The following MGRN1 variants were observed in gnomAD, a reference collection of about 807,000 sequenced individuals.
MGRN1 encodes the protein E3 ubiquitin-protein ligase MGRN1.
In MGRN1, 29 loss-of-function variants were observed where a neutral mutation model predicts 69.2. The ratio of observed to expected loss-of-function variants is 0.42; its 90% CI spans 0.31 to 0.57. The LOEUF (loss-of-function observed/expected upper bound fraction) is 0.57, where lower values mean the gene tolerates loss of function less well. Ranked by LOEUF, MGRN1 falls within the 20% of genes least tolerant of loss-of-function variation. MGRN1 has a pLI of 0.15. For missense variants in MGRN1, 998 were observed against 796.2 expected (o/e 1.25, Z -3.05); for synonymous variants, 470 against 344.2 (o/e 1.37, Z -4.04).
intron 16 of MGRN1, 30 bp downstream of exon 16, chr16:4,683,962 G>GTGGGC: frequency 1.5e-6 from 1 of 678,770 alleles, no homozygotes; most frequent in Non-Finnish European, 2.6e-6. Flanking sequence ...GGGGTGAGGG[G>GTGGGC]CTGGGTGCCT....
At chr16:4,639,357 G>A (rs2078107223) in intron 1 of MGRN1, among the ~76,000 whole-genome samples, 1 of 152,176 alleles carries the variant, frequency 6.6e-6, no homozygotes, top group Admixed American at 6.5e-5. Flanking sequence ...TCCCAAGGAG[G>A]GAATAGCCCA....
intron 1 of MGRN1, among the ~76,000 whole-genome samples, chr16:4,646,985 C>T (rs893091677): frequency 7.2e-5 from 11 of 152,170 alleles, no homozygotes; most frequent in Non-Finnish European, 1.0e-4. Context: ...GCCTTCTGGA[C>T]CCCACCTCAG....
intron 12 of MGRN1, chr16:4,681,263 G>A: frequency 2.2e-6 from 1 of 455,712 alleles, no homozygotes; most frequent in Non-Finnish European, 3.9e-6. Flanking sequence ...GGGACTGAAA[G>A]CCAGGGAGGG....
chr16:4,649,812 G>A (rs2078360843), intron 1 of MGRN1: 1 of 154,226 alleles, frequency 6.5e-6, no homozygotes, highest in Non-Finnish European at 1.4e-5. Flanking sequence ...GCCGTCCAGG[G>A]AAGGGTGTTG....
At chr16:4,628,765 G>T (rs1436154810) in intron 1 of MGRN1, among the ~76,000 whole-genome samples, 2 of 152,082 alleles carry the variant, frequency 1.3e-5, no homozygotes, top group African/African-American at 4.8e-5. Context: ...GTCTGGTCTC[G>T]AGCTCCTGAC....
At chr16:4,673,258 T>G (rs933281299) in intron 9 of MGRN1, among the ~76,000 whole-genome samples, 1 of 152,188 alleles carries the variant, frequency 6.6e-6, no homozygotes, top group African/African-American at 2.4e-5. Context: ...AGAGACCATG[T>G]TCTCATGATT....
intron 7 of MGRN1, 42 bp from the exon 8 acceptor site, chr16:4,668,223 C>T (rs1445241058): frequency 6.2e-7 from 1 of 1,602,676 alleles, no homozygotes; most frequent in Admixed American, 1.7e-5. Context: ...CTCAGAGGCG[C>T]CAGCTTGACC....
chr16:4,660,716 C>T (rs1038347558), intron 5 of MGRN1, among the ~76,000 whole-genome samples: 8 of 152,246 alleles, frequency 5.3e-5, no homozygotes, highest in African/African-American at 1.4e-4. Flanking sequence ...CATGACAGCC[C>T]TTGTGGCAGC....
At chr16:4,672,491 G>T (rs79593302) in intron 9 of MGRN1, 2 of 456,474 alleles carry the variant, frequency 4.4e-6, no homozygotes, top group African/African-American at 2.0e-5. Context: ...GGAGCACCTG[G>T]CCGGGCCTCG....
chr16:4,681,523 G>T (rs1255212499), intron 12 of MGRN1, 27 bp from the exon 13 acceptor site: 1 of 1,590,748 alleles, frequency 6.3e-7, no homozygotes, highest in African/African-American at 1.3e-5. Context: ...CTGGGCATGA[G>T]CCCCCTCACG....
intron 1 of MGRN1, chr16:4,649,086 A>G (rs1285899434): frequency 6.5e-6 from 1 of 152,926 alleles, no homozygotes; most frequent in Non-Finnish European, 1.5e-5. Context: ...TCCCCTCCTC[A>G]TAGGAGAAGC....
At chr16:4,683,133 G>C (rs2079226719) in intron 14 of MGRN1, 91 bp from the exon 15 acceptor site, 14 of 1,560,514 alleles carry the variant, frequency 9.0e-6, no homozygotes, top group Non-Finnish European at 1.2e-5. Context: ...CGGCTGTGCG[G>C]TCCCGGGAGG....
rs1045661285 is a variant in MGRN1, at chr16:4,654,109, G to A, written c.443+1285G>A. On this transcript the variant is annotated intron_variant, in intron 4 of 16. Transcript: ENST00000262370. The stretch of plus-strand genomic sequence containing the variant: ...GGGAGCTCTTAGACGACACTTCCAA[G>A]TCTCTAATCATGGCTTGGTCTTTCT... Among the ~76,000 whole-genome samples the A allele has an allele frequency of 2.0e-5, 3 of 152,056 alleles. 1 individual carries two copies. Among genetic ancestry groups the A allele is most frequent in the African/African-American group, 7.2e-5 (3 of 41,404 alleles).
chr16:4,681,816 G>T (rs758896741), intron 13 of MGRN1, 40 bp downstream of exon 13: 3 of 1,578,078 alleles, frequency 1.9e-6, no homozygotes, highest in Non-Finnish European at 2.6e-6. Flanking sequence ...AGGGTGTGTG[G>T]TGGCGCGCGT....
At chr16:4,627,071 G>A (rs1897716469) in intron 1 of MGRN1, among the ~76,000 whole-genome samples, 1 of 152,206 alleles carries the variant, frequency 6.6e-6, no homozygotes. Flanking sequence ...TCTCCTTAAT[G>A]AGAACTCCGT....
chr16:4,639,424 G>A (rs1448171209), intron 1 of MGRN1, among the ~76,000 whole-genome samples: 5 of 152,336 alleles, frequency 3.3e-5, no homozygotes, highest in Non-Finnish European at 4.4e-5. Context: ...TCTGCAGAGC[G>A]GGGAGCTTGG....
intron 1 of MGRN1, among the ~76,000 whole-genome samples, chr16:4,628,079 CAAAAAAA>C (rs747646208): frequency 1.7e-5 from 1 of 58,012 alleles, no homozygotes; most frequent in South Asian, 5.5e-4. Context: ...GACTCCGTCT[CAAAAAAA>C]AAAAAAAAAA....
intron 1 of MGRN1, among the ~76,000 whole-genome samples, chr16:4,643,403 ATTTTTTTTTTT>A (rs34438924): frequency 3.6e-5 from 4 of 109,822 alleles, no homozygotes; most frequent in African/African-American, 1.4e-4. Flanking sequence ...GCCTTGCTTG[ATTTTTTTTTTT>A]TTTTTTTTTT....
At chr16:4,637,868 C>G (rs77934105) in intron 1 of MGRN1, among the ~76,000 whole-genome samples, 6 of 152,342 alleles carry the variant, frequency 3.9e-5, no homozygotes, top group South Asian at 2.1e-4. Context: ...GTGGGGGCCA[C>G]CCTGAGGGTG....
Sources: allele counts gnomAD v4.1 joint callset (sites outside exome capture counted in the v4.1 genomes callset), GRCh38; gene constraint gnomAD v4.1.1; transcripts MANE v1.5; gene names NCBI Gene and HGNC (gene_info 2026-07-23, HGNC 2026-07-21).